The following JAK2 variants were observed in gnomAD, a reference collection of about 807,000 sequenced individuals.
JAK2 encodes the protein Janus kinase 2.
JAK2 carries 86 observed loss-of-function variants against 139.3 expected under a neutral mutation model. The observed-to-expected ratio is 0.62, with a 90% CI of 0.52 to 0.74. The LOEUF is 0.74. Ranked by LOEUF, JAK2 falls within the 30% of genes least tolerant of loss-of-function variation. The probability of loss-of-function intolerance (pLI) is 0.00; values close to 1 mark genes in which losing one functional copy is unlikely to be tolerated. For synonymous variants in JAK2, 490 were observed against 437.7 expected (o/e 1.12, Z -1.49); for missense variants, 1,421 against 1,360.3 (o/e 1.04, Z -0.70).
intron 2 of JAK2, among the ~76,000 whole-genome samples, chr9:4,996,928 CTTTT>C (rs1166992356): frequency 4.5e-4 from 43 of 94,708 alleles, no homozygotes; most frequent in Non-Finnish European, 8.1e-4. Context: ...TTAGTTTGTT[CTTTT>C]TTTTTTTTTT....
At chr9:4,993,306 C>T (rs558433262) in intron 2 of JAK2, among the ~76,000 whole-genome samples, 1 of 152,312 alleles carries the variant, frequency 6.6e-6, no homozygotes, top group East Asian at 1.9e-4. Flanking sequence ...ATCTTATAAT[C>T]ACACTCTAGA....
chr9:5,122,358 C>T (rs1291306307), intron 22 of JAK2, among the ~76,000 whole-genome samples: 3 of 152,040 alleles, frequency 2.0e-5, no homozygotes, highest in Non-Finnish European at 4.4e-5. Flanking sequence ...CCTTAGTCAC[C>T]CCTCTTCTGG....
intron 8 of JAK2, among the ~76,000 whole-genome samples, chr9:5,059,539 T>A (rs771710443): frequency 3.1e-4 from 47 of 152,262 alleles, no homozygotes; most frequent in Non-Finnish European, 6.0e-4. Context: ...TACATATTTT[T>A]TGGTGGACTT....
chr9:5,012,304 T>A (rs1821752446), intron 2 of JAK2, among the ~76,000 whole-genome samples: 1 of 152,146 alleles, frequency 6.6e-6, no homozygotes, highest in South Asian at 2.1e-4. Flanking sequence ...CTTTCAAGGG[T>A]CATATCCCCC....
At chr9:5,036,926 A>G (rs1158736230) in intron 4 of JAK2, among the ~76,000 whole-genome samples, 2 of 152,230 alleles carry the variant, frequency 1.3e-5, no homozygotes, top group African/African-American at 4.8e-5. Context: ...TGAACAGGCA[A>G]CCTACAGAAT....
At chr9:5,075,887 A>G (rs1819276295) in intron 14 of JAK2, among the ~76,000 whole-genome samples, 1 of 152,220 alleles carries the variant, frequency 6.6e-6, no homozygotes, top group Non-Finnish European at 1.5e-5. Flanking sequence ...ACCATTCTAG[A>G]TGCCAGGAAT....
At chr9:5,103,220 G>GAAAAA (rs1821661603) in intron 22 of JAK2, among the ~76,000 whole-genome samples, 2 of 6,906 alleles carry the variant, frequency 2.9e-4, no homozygotes, top group African/African-American at 8.0e-4. Flanking sequence ...CAAAGGGAAA[G>GAAAAA]CAAAAAAAAA....
chr9:5,041,608 G>C (rs1442013271), intron 4 of JAK2: 4 of 496,020 alleles, frequency 8.1e-6, no homozygotes, highest in Non-Finnish European at 1.2e-5. Flanking sequence ...AAGCCCGACT[G>C]TGACTACATG....
At chr9:5,067,911 T>TAA (rs1262053116) in intron 10 of JAK2, among the ~76,000 whole-genome samples, 5 of 152,056 alleles carry the variant, frequency 3.3e-5, no homozygotes, top group African/African-American at 9.7e-5. Flanking sequence ...ACCAGCACTT[T>TAA]AGGAGGCCAA....
intron 2 of JAK2, among the ~76,000 whole-genome samples, chr9:5,018,333 G>C: frequency 6.6e-6 from 1 of 151,972 alleles, no homozygotes; most frequent in African/African-American, 2.4e-5. Context: ...TTGTTTGTTT[G>C]TTTGTTTCTT....
intron 19 of JAK2, among the ~76,000 whole-genome samples, chr9:5,087,670 A>T (rs1820238852): frequency 6.6e-6 from 1 of 152,252 alleles, no homozygotes; most frequent in Admixed American, 6.5e-5. Context: ...CATTGTTGGC[A>T]GGGATGTGAT....
At chr9:5,029,989 C>A in intron 4 of JAK2, 83 bp downstream of exon 4, 1 of 1,227,610 alleles carries the variant, frequency 8.1e-7, no homozygotes, top group Non-Finnish European at 1.1e-6. Context: ...TTGCAAGGTA[C>A]TTAATACCAG....
intron 1 of JAK2, 88 bp downstream of exon 1, chr9:4,985,718 G>C (rs1158896046): frequency 6.6e-6 from 1 of 152,538 alleles, no homozygotes; most frequent in African/African-American, 2.4e-5. Flanking sequence ...CCTGCCCCCT[G>C]CTAGTGGCAG....
chr9:5,043,844 CAGAA>C (rs1223157947), intron 4 of JAK2, among the ~76,000 whole-genome samples: 5 of 152,158 alleles, frequency 3.3e-5, no homozygotes, highest in Admixed American at 6.6e-5. Context: ...AGAAGGCAGA[CAGAA>C]AGGCCACATG....
chr9:5,035,129 C>T (rs1823479423), intron 4 of JAK2, among the ~76,000 whole-genome samples: 1 of 152,156 alleles, frequency 6.6e-6, no homozygotes, highest in South Asian at 2.1e-4. Context: ...ACTAGAAAAT[C>T]TAGAATAAAT....
chr9:4,994,182 T>G (rs967565803), intron 2 of JAK2, among the ~76,000 whole-genome samples: 4 of 152,234 alleles, frequency 2.6e-5, no homozygotes, highest in Non-Finnish European at 4.4e-5. Context: ...TTTGATGATG[T>G]TTTTGTGGCC....
Position 5,022,070 on chromosome 9 carries a change from A to G in JAK2, c.83A>G (p.Asn28Ser), listed in dbSNP as rs1232333083. The G allele has an allele frequency of 6.2e-7, 1 of 1,614,026 alleles. No homozygotes were observed. Among genetic ancestry groups the G allele is most frequent in the Non-Finnish European group, 8.5e-7 (1 of 1,179,964 alleles). The change falls in exon 3 of 25, where the codon AAT (asparagine) becomes AGT (serine). Residue 28 changes from asparagine (N) to serine (S), a missense_variant. By Grantham distance (46) the Asn-to-Ser change is conservative (BLOSUM62 1). Transcript: ENST00000381652. Reference protein sequence around the residue: ...SIYQNGDISGNANSMKQIDPV... With the variant: ...SIYQNGDISGSANSMKQIDPV... ...TATCAGAATGGTGATATTTCTGGAA[A>G]TGCCAATTCTATGAAGCAAATAGAT... is the stretch of plus-strand genomic sequence containing the variant.
rs1338997064 is a variant in JAK2 at position 5,089,664 on chromosome 9, TGTCATTTAGG to T, written c.2572-7_2574del. The T allele has an allele frequency of 3.8e-6, 5 of 1,316,538 alleles. No individual in the cohort carries two copies. Among genetic ancestry groups the T allele is most frequent in the Non-Finnish European group, 4.9e-6 (5 of 1,016,462 alleles). The allele number at this position is 1,316,538 out of a possible 1,614,324, so 81.6% of individuals were successfully genotyped here. A position where few individuals can be genotyped will look rare whatever the true frequency, so the allele number is the denominator to read the frequency against. On this transcript the variant is annotated splice_acceptor_variant and splice_polypyrimidine_tract_variant and coding_sequence_variant and intron_variant, in exon 20 of 25. Coordinates refer to ENST00000381652, the MANE Select transcript of JAK2 (RefSeq NM_004972.4). LOFTEE classifies it high-confidence loss of function. ...TTGGTATTTCCATCCTAATGTGATG[TGTCATTTAGG>T]GTAATTTTGGGAGTGTGGAGATGTG...
chr9:5,123,996 G>A (rs536563729), intron 23 of JAK2, among the ~76,000 whole-genome samples: 13 of 151,406 alleles, frequency 8.6e-5, no homozygotes, highest in African/African-American at 3.1e-4. Context: ...CCTCTTGTCA[G>A]TTTGGGTGTC....
Sources: allele counts gnomAD v4.1 joint callset (sites outside exome capture counted in the v4.1 genomes callset), GRCh38; gene constraint gnomAD v4.1.1; transcripts MANE v1.5; gene names NCBI Gene and HGNC (gene_info 2026-07-23, HGNC 2026-07-21).